ASH1L: variants seen among roughly 807,000 people sequenced by gnomAD.
ASH1L encodes the protein ASH1 like histone lysine methyltransferase, also known as histone-lysine N-methyltransferase ASH1L.
In ASH1L, 23 loss-of-function variants were observed where a neutral mutation model predicts 269.0. The ratio of observed to expected loss-of-function variants is 0.09; its 90% CI spans 0.06 to 0.12. The LOEUF is 0.12. Ranked by LOEUF, ASH1L falls within the 10% of genes least tolerant of loss-of-function variation. The probability of loss-of-function intolerance (pLI) is 1.00; values close to 1 mark genes in which losing one functional copy is unlikely to be tolerated. For missense variants in ASH1L, 2,912 were observed against 3,567.8 expected, an observed-to-expected ratio of 0.82 and a Z score of 4.68; for synonymous variants, 1,187 against 1,253.5, an observed-to-expected ratio of 0.95 and a Z score of 1.12.
In ASH1L at chr1:155,415,775, C is replaced by T; in HGVS notation, c.5977G>A (p.Gly1993Arg). 6.2e-7 allele frequency: 1 copy of T among 1,613,950 alleles called. No individual in the cohort carries two copies. The highest frequency in any genetic ancestry group is 8.5e-7 in the Non-Finnish European group (1 of 1,179,992). ...GTTTTGTAAACGTCAGAATACAGCC[C>T]TGCTTTCTGATACTTCTTCTTTGGG... ...RPPKKKYQKA[G>R]LYSDVYKTTD... The change falls in exon 6 of 28, where the codon GGG (glycine) becomes AGG (arginine). Residue 1993 changes from glycine to arginine, a missense_variant. Around this residue, in one of 13 missense-constraint regions of ASH1L, gnomAD observed 193 missense variants for 311.6 expected, o/e 0.62. Coordinates refer to ENST00000392403, the MANE Select transcript of ASH1L (RefSeq NM_018489.3).
chr1:155,527,613 T>C (rs919458076), intron 1 of ASH1L, among the ~76,000 whole-genome samples: 1 of 147,482 alleles, frequency 6.8e-6, no homozygotes, highest in Non-Finnish European at 1.5e-5. Context: ...CATAGCTCAC[T>C]GCAGCCTCAA....
At chr1:155,433,634 C>T (rs1353100355) in intron 5 of ASH1L, 1 of 1,608,098 alleles carries the variant, frequency 6.2e-7, no homozygotes, top group Admixed American at 1.7e-5. Flanking sequence ...ATTTGCCAAG[C>T]TCCTGAAGCA....
At chr1:155,340,472 C>T (rs935530047) in intron 25 of ASH1L, among the ~76,000 whole-genome samples, 6 of 152,076 alleles carry the variant, frequency 3.9e-5, no homozygotes, top group East Asian at 1.9e-4. Context: ...TGAGCCACCG[C>T]GCCTGGCCCT....
chr1:155,478,350 G>A lies in ASH1L; in HGVS notation c.4520C>T (p.Ser1507Phe). The change falls in exon 3 of 28, where the codon TCC becomes TTC. Residue 1507 changes from serine to phenylalanine, a missense_variant. Around this residue, in one of 13 missense-constraint regions of ASH1L, gnomAD observed 789 missense variants for 897.6 expected, o/e 0.88. Coordinates refer to ENST00000392403, the MANE Select transcript of ASH1L (RefSeq NM_018489.3). This position sits in a 1 kb window ranked among gnomAD's most constrained non-coding sequence, Gnocchi z 4.6. ...QPQVSMDTGS[S>F]RSVLESLKRY... ...CTTCAAAGATTCCAGGACAGATCGG[G>A]AAGAGCCAGTGTCCATAGAAACCTG... 1 of 1,614,100 alleles carries A rather than the reference G, an allele frequency of 6.2e-7. No individual in the cohort carries two copies. The highest frequency in any genetic ancestry group is 8.5e-7 in the Non-Finnish European group (1 of 1,180,030).
At chr1:155,546,158 CAA>C (rs57715557) in intron 1 of ASH1L, among the ~76,000 whole-genome samples, 3 of 110,782 alleles carry the variant, frequency 2.7e-5, no homozygotes, top group East Asian at 2.6e-4. Context: ...ATTCCATCAC[CAA>C]AAAAAAAAAA....
chr1:155,449,395 G>A (rs570941610), intron 4 of ASH1L, among the ~76,000 whole-genome samples: 2 of 152,174 alleles, frequency 1.3e-5, no homozygotes, highest in South Asian at 4.1e-4. Flanking sequence ...TTCTGTTGTG[G>A]TCTGAAAATA....
intron 2 of ASH1L, among the ~76,000 whole-genome samples, chr1:155,506,795 G>A (rs1667846109): frequency 6.6e-6 from 1 of 151,314 alleles, no homozygotes; most frequent in African/African-American, 2.4e-5. Context: ...GGATTCATGT[G>A]GGTTTTAATA....
intron 2 of ASH1L, among the ~76,000 whole-genome samples, chr1:155,485,593 C>A (rs913365607): frequency 2.6e-5 from 4 of 152,078 alleles, no homozygotes; most frequent in African/African-American, 7.2e-5. Flanking sequence ...AAATAGGTAA[C>A]CATGTGAATA....
At position 155,368,936 on chromosome 1, in the gene ASH1L, C is replaced by T. The variant is rs943739315; in HGVS notation, c.6686+1568G>A. Among the ~76,000 whole-genome samples, 6 of 152,026 alleles carry T rather than the reference C, an allele frequency of 3.9e-5. No individual in the cohort carries two copies. In the South Asian group the frequency reaches 6.2e-4, roughly 16 times the overall value. ...AAAAACATGTTTTTAACAAAAAAGACGCCAGACACAAAAGAATACATTCAC... is the reference window on the plus strand; with the variant it reads ...AAAAACATGTTTTTAACAAAAAAGATGCCAGACACAAAAGAATACATTCAC... On this transcript the variant is annotated intron_variant, in intron 12 of 27. Coordinates refer to ENST00000392403, the MANE Select transcript of ASH1L (RefSeq NM_018489.3).
At chr1:155,346,080 C>T (rs772228074) in intron 21 of ASH1L, 37 of 1,043,026 alleles carry the variant, frequency 3.5e-5, no homozygotes, top group South Asian at 1.6e-4. Context: ...GCAATCCATC[C>T]GCCTTAGCCT....
intron 1 of ASH1L, among the ~76,000 whole-genome samples, chr1:155,527,957 G>A (rs953419478): frequency 4.6e-5 from 7 of 151,912 alleles, no homozygotes; most frequent in Non-Finnish European, 8.8e-5. Context: ...CAGGGTACCC[G>A]GACCTCTTCC....
intron 6 of ASH1L, among the ~76,000 whole-genome samples, chr1:155,408,588 G>A (rs1659504864): frequency 6.6e-6 from 1 of 152,136 alleles, no homozygotes; most frequent in Non-Finnish European, 1.5e-5. Flanking sequence ...ACTCCGAACA[G>A]CAGAAAGCAG....
chr1:155,378,635 T>TC, intron 8 of ASH1L, 87 bp from the exon 9 acceptor site: 1 of 1,025,322 alleles, frequency 9.8e-7, no homozygotes, highest in Non-Finnish European at 1.5e-6. Flanking sequence ...CAGGAAATTT[T>TC]CTATGTGCTC....
At chr1:155,356,662 CA>C (rs1364702620) in intron 15 of ASH1L, among the ~76,000 whole-genome samples, 1 of 147,350 alleles carries the variant, frequency 6.8e-6, no homozygotes, top group East Asian at 2.0e-4. Flanking sequence ...AAAAAAACAA[CA>C]AAAAACCAAG....
intron 5 of ASH1L, among the ~76,000 whole-genome samples, chr1:155,436,055 A>C (rs1662062192): frequency 6.6e-6 from 1 of 152,198 alleles, no homozygotes; most frequent in Admixed American, 6.5e-5. Context: ...CATCTCAAAA[A>C]ATAAATAAAT....
In ASH1L at chr1:155,433,263, G is replaced by C. The variant is rs1378210384; in HGVS notation, c.5828+5064C>G. On this transcript the variant is annotated intron_variant, in intron 5 of 27. Coordinates refer to ENST00000392403, the MANE Select transcript of ASH1L (RefSeq NM_018489.3). ...GATGGGCCAGGGGGGCCGGAGCCGG[G>C]CTGGGTTGATCCTCGGACCTGGCTA... 6.4e-6 allele frequency: 10 copies of C among 1,559,374 alleles called. No individual in the cohort carries two copies. The Admixed American group carries it at 9.6e-5, about 15-fold the overall frequency.
At chr1:155,492,937 C>T (rs1256218097) in intron 2 of ASH1L, among the ~76,000 whole-genome samples, 5 of 152,088 alleles carry the variant, frequency 3.3e-5, no homozygotes, top group African/African-American at 4.8e-5. Context: ...CAACATCCCA[C>T]CTCAGCCTCT....
intron 12 of ASH1L, chr1:155,370,281 G>A (rs1490627169): frequency 3.6e-6 from 2 of 563,004 alleles, no homozygotes; most frequent in Middle Eastern, 4.8e-4. Flanking sequence ...AACCAAAAAA[G>A]CAAAACAAAA....
chr1:155,429,383 C>T (rs1010050248), intron 5 of ASH1L, among the ~76,000 whole-genome samples: 15 of 152,134 alleles, frequency 9.9e-5, no homozygotes, highest in African/African-American at 3.6e-4. Context: ...AAGTGATTCT[C>T]CCACTTGGCT....
Sources: gnomAD v4.1 joint callset for allele counts (sites outside exome capture counted in the v4.1 genomes callset) on GRCh38, gnomAD v4.1.1 for gene constraint, gnomAD v4.1.1 regional missense constraint, Gnocchi (gnomAD v3.1) non-coding constraint, MANE v1.5 for transcripts, NCBI Gene and HGNC (gene_info 2026-07-23, HGNC 2026-07-21) for gene names.